TENM2: variants seen among roughly 807,000 people sequenced by gnomAD.
TENM2 encodes the protein teneurin transmembrane protein 2, also known as teneurin-2.
In TENM2, 52 loss-of-function variants were observed where a neutral mutation model predicts 245.2. The observed-to-expected ratio is 0.21, with a 90% CI of 0.17 to 0.27. The LOEUF (loss-of-function observed/expected upper bound fraction) is 0.27, where lower values mean the gene tolerates loss of function less well. TENM2 is among the 10% of genes least tolerant of loss of function. The pLI is 1.00. For synonymous variants in TENM2, 1,363 were observed against 1,438.9 expected (o/e 0.95, Z 1.19); for missense variants, 3,046 against 3,666.8 (o/e 0.83, Z 4.37).
intron 2 of TENM2, among the ~76,000 whole-genome samples, chr5:167,748,418 A>C (rs987161945): frequency 6.6e-6 from 1 of 151,944 alleles, no homozygotes; most frequent in East Asian, 1.9e-4. Context: ...TTGTTCTATC[A>C]CCTAGGCTGG....
chr5:167,269,635 G>A, the TENM2 span, among the ~76,000 whole-genome samples: 3 of 148,738 alleles, frequency 2.0e-5, no homozygotes, highest in African/African-American at 7.4e-5. Context: ...GGGGGATGGA[G>A]TAAAAAAGGA....
At chr5:167,061,938 T>G in the TENM2 span, among the ~76,000 whole-genome samples, 2 of 151,596 alleles carry the variant, frequency 1.3e-5, no homozygotes, top group African/African-American at 4.9e-5. Flanking sequence ...AGGTGAAGTA[T>G]GACTTGTCAT....
At chr5:167,798,053 A>G (rs568392165) in intron 2 of TENM2, among the ~76,000 whole-genome samples, 5 of 152,368 alleles carry the variant, frequency 3.3e-5, no homozygotes, top group East Asian at 1.9e-4. Context: ...AGTGCATTTC[A>G]TAATCTTTTT....
At chr5:167,879,867 G>A (rs1286729858) in intron 3 of TENM2, among the ~76,000 whole-genome samples, 1 of 152,096 alleles carries the variant, frequency 6.6e-6, no homozygotes, top group African/African-American at 2.4e-5. Context: ...TTTTTAAAGA[G>A]CAATGCCTTA....
the TENM2 span, among the ~76,000 whole-genome samples, chr5:166,997,368 G>T: frequency 3.3e-5 from 5 of 152,254 alleles, no homozygotes; most frequent in Non-Finnish European, 5.9e-5. Context: ...TTTAAGAGTA[G>T]AGAACTGAAG....
chr5:167,832,589 A>T (rs1321852375), intron 2 of TENM2, among the ~76,000 whole-genome samples: 2 of 152,220 alleles, frequency 1.3e-5, no homozygotes, highest in East Asian at 3.9e-4. Flanking sequence ...GTGTGGATGG[A>T]TGGATGGAGG....
chr5:167,324,672 GA>G (rs546901646), intron 1 of TENM2, among the ~76,000 whole-genome samples: 1,821 of 148,584 alleles, frequency 0.012, 42 homozygotes, highest in African/African-American at 0.041. Context: ...AGAACAAGAG[GA>G]AAAAAAAACA....
intron 2 of TENM2, among the ~76,000 whole-genome samples, chr5:167,708,793 A>G (rs1248486473): frequency 6.6e-6 from 1 of 152,198 alleles, no homozygotes; most frequent in African/African-American, 2.4e-5. Context: ...TGTTTGCTCT[A>G]ACTGACTAAT....
chr5:167,948,088 C>G (rs1040380814), intron 3 of TENM2, among the ~76,000 whole-genome samples: 1 of 152,152 alleles, frequency 6.6e-6, no homozygotes, highest in African/African-American at 2.4e-5. Flanking sequence ...TTCCTTAGAG[C>G]CCCTGAAAGT....
At chr5:167,686,798 C>G (rs1482497646) in intron 2 of TENM2, among the ~76,000 whole-genome samples, 1 of 152,186 alleles carries the variant, frequency 6.6e-6, no homozygotes, top group African/African-American at 2.4e-5. Flanking sequence ...AATGAGGCTT[C>G]TGACACCTCA....
Position 168,039,050 on chromosome 5 carries a change from C to T in TENM2, c.1187-8377C>T, listed in dbSNP as rs187907606. On this transcript the variant is annotated intron_variant, in intron 5 of 28. Transcript: ENST00000518659. ...AAAGTGCCCTAGGAATGGAGTATCT[C>T]GGGTGTCCTAATTGGCACACTCTGA... Among the ~76,000 whole-genome samples, 62 of 152,224 alleles carry T rather than the reference C, an allele frequency of 4.1e-4. 2 individuals carry two copies. Among genetic ancestry groups the T allele is most frequent in the Non-Finnish European group, 4.7e-4 (32 of 68,004 alleles).
intron 2 of TENM2, among the ~76,000 whole-genome samples, chr5:167,520,211 TTA>T (rs1264868561): frequency 6.6e-6 from 1 of 152,160 alleles, no homozygotes; most frequent in Non-Finnish European, 1.5e-5. Context: ...CCTGTAACCA[TTA>T]TATGTCTGCA....
chr5:167,047,373 A>G, the TENM2 span, among the ~76,000 whole-genome samples: 4 of 151,822 alleles, frequency 2.6e-5, no homozygotes, highest in Admixed American at 6.6e-5. Flanking sequence ...GGTATGTCCT[A>G]GAGATGGTTT....
At chr5:167,222,274 C>T in the TENM2 span, among the ~76,000 whole-genome samples, 5 of 152,136 alleles carry the variant, frequency 3.3e-5, no homozygotes, top group African/African-American at 1.2e-4. Context: ...GTTGACACAC[C>T]AGGCTCTTGT....
chr5:167,989,222 A>T (rs1484190856), intron 4 of TENM2, among the ~76,000 whole-genome samples: 1 of 151,790 alleles, frequency 6.6e-6, no homozygotes, highest in Non-Finnish European at 1.5e-5. Context: ...GAGAAATAAG[A>T]TTCTATTTAT....
At position 168,098,007 on chromosome 5, in the gene TENM2, A is replaced by G; in HGVS notation, c.1712-19A>G. ...GTAGACAGAGGAAAAGGTAAACACTACATTTATCTCTTTTTCAGATTCAGT... is the reference window on the plus strand; with the variant it reads ...GTAGACAGAGGAAAAGGTAAACACTGCATTTATCTCTTTTTCAGATTCAGT... On this transcript the variant is annotated intron_variant, in intron 8 of 28. Transcript: ENST00000518659. 6.3e-7 allele frequency: 1 copy of G among 1,580,792 alleles called. No individual in the cohort carries two copies.
chr5:167,296,726 A>G (rs1326929036), intron 1 of TENM2, among the ~76,000 whole-genome samples: 1 of 152,210 alleles, frequency 6.6e-6, no homozygotes, highest in Non-Finnish European at 1.5e-5. Flanking sequence ...CCTAGTTTAC[A>G]GTGACATTTC....
chr5:168,117,165 A>G (rs1795142335), intron 9 of TENM2, among the ~76,000 whole-genome samples: 1 of 152,230 alleles, frequency 6.6e-6, no homozygotes, highest in Non-Finnish European at 1.5e-5. Context: ...ATCTCCTCCC[A>G]GACAATCCCC....
At chr5:167,681,890 A>G (rs1582737385) in intron 2 of TENM2, among the ~76,000 whole-genome samples, 1 of 151,942 alleles carries the variant, frequency 6.6e-6, no homozygotes, top group Admixed American at 6.6e-5. Context: ...CTCTTTAACT[A>G]TGTTCATTCT....
Sources: gnomAD v4.1 joint callset for allele counts (sites outside exome capture counted in the v4.1 genomes callset) on GRCh38, gnomAD v4.1.1 for gene constraint, MANE v1.5 for transcripts, NCBI Gene and HGNC (gene_info 2026-07-23, HGNC 2026-07-21) for gene names.